Variants in STRN4 observed in about 807,000 individuals in gnomAD.
STRN4 encodes striatin 4.
Under a neutral mutation model 77.9 loss-of-function variants are expected in STRN4, and 27 were observed. The observed-to-expected ratio is 0.35, with a 90% CI of 0.26 to 0.48. STRN4 has a LOEUF of 0.48. STRN4 is among the 20% of genes least tolerant of loss of function. STRN4 has a pLI of 0.99. For missense variants in STRN4, 798 were observed against 1,049.7 expected (o/e 0.76, Z 3.31); for synonymous variants, 466 against 443.1 (o/e 1.05, Z -0.65).
At position 46,728,794 on chromosome 19, in the gene STRN4, G is replaced by A. The variant is rs2054182994; in HGVS notation, c.880-17C>T. 2 of 1,613,422 alleles carry A rather than the reference G, an allele frequency of 1.2e-6. No homozygotes were observed. The highest frequency in any genetic ancestry group is 1.1e-5 in the South Asian group (1 of 91,056). ...GGATGGGAGCTGGCACATGGAGAAA[G>A]CCAGACAAGTCAGGGGGCCTCTTGT... On this transcript the variant is annotated splice_polypyrimidine_tract_variant and intron_variant, in intron 6 of 17. Transcript: ENST00000263280.
intron 16 of STRN4, chr19:46,721,721 T>C: frequency 4.5e-6 from 2 of 445,632 alleles, no homozygotes; most frequent in South Asian, 5.1e-5. Flanking sequence ...CGTCTGGGCA[T>C]CAGGGCCCAC....
intron 1 of STRN4, among the ~76,000 whole-genome samples, chr19:46,743,355 C>T (rs149402020): frequency 6.6e-6 from 1 of 152,322 alleles, no homozygotes; most frequent in Non-Finnish European, 1.5e-5. Context: ...CCATGCCAGA[C>T]ACAAGTTCCT....
intron 8 of STRN4, 30 bp downstream of exon 8, chr19:46,727,864 G>A: frequency 6.4e-7 from 1 of 1,553,702 alleles, no homozygotes. Context: ...GGGCCCGCAG[G>A]ACTGGGACCA....
intron 4 of STRN4, among the ~76,000 whole-genome samples, chr19:46,734,924 A>G (rs2054328751): frequency 6.6e-6 from 1 of 152,018 alleles, no homozygotes; most frequent in Admixed American, 6.6e-5. Flanking sequence ...TCGGCCTCCC[A>G]AAGTGCTGGG....
chr19:46,723,136 G>A lies in STRN4; in HGVS notation c.1743C>T (p.Leu581=). ...WDPSSSSPAC[L]CTFPTASEHG... ...CACCGCTGGCTGTGGGGAAGGTGCA[G>A]AGGCAGGCCGGGCTGCTGCTGCTGG... Residue 581 remains leucine, a synonymous_variant, in exon 13 of 18, where the codon CTC becomes CTT. Coordinates refer to ENST00000263280, the MANE Select transcript of STRN4 (RefSeq NM_013403.3). The surrounding 1 kb of genome is among the most constrained non-coding windows in gnomAD (Gnocchi z 5.5). The A allele has an allele frequency of 6.4e-7, 1 of 1,568,608 alleles. No homozygotes were observed. The highest frequency in any genetic ancestry group is 8.6e-7 in the Non-Finnish European group (1 of 1,157,714).
At chr19:46,722,404 G>T in intron 14 of STRN4, 64 bp from the exon 15 acceptor site, 1 of 1,526,988 alleles carries the variant, frequency 6.5e-7, no homozygotes, top group Non-Finnish European at 9.1e-7. Context: ...CAGAACAGAG[G>T]CACAAGCGCA....
At chr19:46,744,102 T>C (rs1194742903) in intron 1 of STRN4, among the ~76,000 whole-genome samples, 1 of 152,032 alleles carries the variant, frequency 6.6e-6, no homozygotes, top group African/African-American at 2.4e-5. Context: ...TGACAGCTCG[T>C]ATCTACAGTA....
At chr19:46,724,703 G>A in intron 12 of STRN4, 104 bp downstream of exon 12, 2 of 1,539,162 alleles carry the variant, frequency 1.3e-6, no homozygotes, top group South Asian at 1.2e-5. Flanking sequence ...ACGCACTCCT[G>A]AGGCCTGCAG....
At chr19:46,730,022 G>A (rs1373300886) in intron 6 of STRN4, among the ~76,000 whole-genome samples, 37 of 152,212 alleles carry the variant, frequency 2.4e-4, no homozygotes, top group Admixed American at 2.3e-3. Context: ...GTGTGGGCCC[G>A]AAGGGGTGCA....
At chr19:46,742,985 A>G (rs1420965515) in intron 1 of STRN4, among the ~76,000 whole-genome samples, 1 of 152,256 alleles carries the variant, frequency 6.6e-6, no homozygotes, top group African/African-American at 2.4e-5. Flanking sequence ...GAAAAAATCT[A>G]AAAGTCCACC....
Position 46,738,338 on chromosome 19 carries a change from TCC to T in STRN4, c.387-103_387-102del. On this transcript the variant is annotated intron_variant, in intron 2 of 17. Coordinates refer to ENST00000263280, the MANE Select transcript of STRN4 (RefSeq NM_013403.3). This position sits in a 1 kb window ranked among gnomAD's most constrained non-coding sequence, Gnocchi z 4.5. ...ATCCCAAACCCCAAATCACAGGGCC[TCC>T]CCCAGCTCGTCTACTACTGAGGCTG... The T allele has an allele frequency of 9.0e-7, 1 of 1,110,388 alleles. No individual in the cohort carries two copies. The highest frequency in any genetic ancestry group is 1.4e-6 in the Non-Finnish European group (1 of 735,662). 68.8% of individuals were successfully genotyped at this position (1,110,388 alleles called of 1,614,324 possible).
rs571624883 is a variant in STRN4 at position 46,741,614 on chromosome 19, A to G, written c.283-2726T>C. On this transcript the variant is annotated intron_variant, in intron 1 of 17. Transcript: ENST00000263280. The surrounding 1 kb of genome is among the most constrained non-coding windows in gnomAD (Gnocchi z 4.9). Reference sequence around the variant, plus strand: ...CGGGGATCTGGAAGTGCCGCTCACCATATCCACCCACTGCCACTCCCTCTA... The same window carrying G: ...CGGGGATCTGGAAGTGCCGCTCACCGTATCCACCCACTGCCACTCCCTCTA... 1.3e-5 allele frequency among the ~76,000 whole-genome samples: 2 copies of G among 152,114 alleles called. No individual in the cohort carries two copies. Among genetic ancestry groups the G allele is most frequent in the African/African-American group, 2.4e-5 (1 of 41,410 alleles).
chr19:46,722,456 G>T (rs1020563153), intron 14 of STRN4, 116 bp from the exon 15 acceptor site: 7 of 1,141,756 alleles, frequency 6.1e-6, no homozygotes, highest in Admixed American at 2.0e-5. Context: ...GATGTCGAGG[G>T]GGGCTGGGCG....
chr19:46,732,932 G>T, intron 5 of STRN4, 107 bp downstream of exon 5: 1 of 1,349,632 alleles, frequency 7.4e-7, no homozygotes, highest in Non-Finnish European at 1.0e-6. Flanking sequence ...TACTCCAGGA[G>T]GAGGGGCCGC....
intron 12 of STRN4, among the ~76,000 whole-genome samples, chr19:46,724,276 G>T (rs1164615079): frequency 9.3e-6 from 1 of 107,200 alleles, no homozygotes; most frequent in Non-Finnish European, 1.8e-5. Context: ...AAAAAAAAAA[G>T]GCAGAGAACA....
rs889855998 is a variant in STRN4 at position 46,730,801 on chromosome 19, G to A, written c.810C>T (p.Asn270=). The change falls in exon 6 of 18, where the codon AAC becomes AAT. Residue 270 remains asparagine (N), a synonymous_variant. Transcript: ENST00000263280. ...CCTCGTCGCTGTCTTCGTCCTCGCA[G>A]TTCTGCAGGAAGGGGATCTGCCCCA... ...SVLGQIPFLQ[N]CEDEDSDEDD... The A allele has an allele frequency of 1.2e-6, 2 of 1,612,886 alleles. No homozygotes were observed. The highest frequency in any genetic ancestry group is 1.3e-5 in the African/African-American group (1 of 74,940).
chr19:46,725,171 G>A (rs948856975), intron 11 of STRN4, among the ~76,000 whole-genome samples, 161 bp downstream of exon 11: 19 of 152,020 alleles, frequency 1.2e-4, no homozygotes, highest in Admixed American at 8.5e-4. Context: ...TCAGCATGGA[G>A]CCCCAAGAAC....
chr19:46,736,702 GCT>G, intron 4 of STRN4, 119 bp downstream of exon 4: 1 of 1,083,578 alleles, frequency 9.2e-7, no homozygotes, highest in Non-Finnish European at 1.3e-6. Flanking sequence ...GCCATGGCTG[GCT>G]AAGATCCTGA....
intron 6 of STRN4, among the ~76,000 whole-genome samples, chr19:46,729,978 G>C (rs1049909783): frequency 2.0e-5 from 3 of 152,144 alleles, no homozygotes; most frequent in Non-Finnish European, 4.4e-5. Context: ...GCTGCGTAGA[G>C]ACAGAGAGCC....
Sources: allele counts gnomAD v4.1 joint callset (sites outside exome capture counted in the v4.1 genomes callset), GRCh38; gene constraint gnomAD v4.1.1; non-coding constraint Gnocchi (gnomAD v3.1); transcripts MANE v1.5; gene names NCBI Gene and HGNC (gene_info 2026-07-23, HGNC 2026-07-21).